SLC9A2: variants seen among roughly 807,000 people sequenced by gnomAD.
SLC9A2 encodes the protein sodium/hydrogen exchanger 2.
In SLC9A2, 42 loss-of-function variants were observed where a neutral mutation model predicts 71.7. The ratio of observed to expected loss-of-function variants is 0.59; its 90% CI spans 0.46 to 0.76. The LOEUF (loss-of-function observed/expected upper bound fraction) is 0.76. Ranked by LOEUF, SLC9A2 falls within the 30% of genes least tolerant of loss-of-function variation. SLC9A2 has a pLI of 0.00. For synonymous variants in SLC9A2, 396 were observed against 392.5 expected (o/e 1.01, Z -0.10); for missense variants, 829 against 1,017.4 (o/e 0.81, Z 2.52).
chr2:102,625,649 C>T (rs1676233037), intron 1 of SLC9A2, among the ~76,000 whole-genome samples: 2 of 152,276 alleles, frequency 1.3e-5, no homozygotes, highest in South Asian at 4.1e-4. Context: ...AGGACATGAA[C>T]TCATCATTTT....
chr2:102,625,493 C>T (rs1676229840), intron 1 of SLC9A2, among the ~76,000 whole-genome samples: 2 of 147,312 alleles, frequency 1.4e-5, no homozygotes, highest in Admixed American at 1.4e-4. Context: ...ACAACAGGTC[C>T]CGGTGTGTGA....
chr2:102,650,037 C>T (rs1024712225), intron 1 of SLC9A2, among the ~76,000 whole-genome samples: 8 of 152,284 alleles, frequency 5.3e-5, no homozygotes, highest in South Asian at 2.1e-4. Flanking sequence ...TTGCATGCAG[C>T]GCTATTCACA....
intron 1 of SLC9A2, among the ~76,000 whole-genome samples, chr2:102,628,946 G>C (rs1331093425): frequency 6.6e-6 from 1 of 151,874 alleles, no homozygotes; most frequent in African/African-American, 2.4e-5. Flanking sequence ...TTATTTTATG[G>C]ACATTTTAAA....
intron 4 of SLC9A2, among the ~76,000 whole-genome samples, chr2:102,683,830 G>C (rs1274169112): frequency 2.0e-5 from 3 of 150,704 alleles, no homozygotes; most frequent in African/African-American, 7.3e-5. Flanking sequence ...CATCTTCTCT[G>C]TCTCTTGCTC....
chr2:102,674,515 ACT>A (rs1677314809), intron 3 of SLC9A2, among the ~76,000 whole-genome samples: 10 of 152,176 alleles, frequency 6.6e-5, no homozygotes, highest in Non-Finnish European at 1.5e-4. Context: ...ATGAGGTCTG[ACT>A]TTGTCAGTAT....
intron 5 of SLC9A2, among the ~76,000 whole-genome samples, chr2:102,690,599 A>G (rs1296832078): frequency 6.6e-6 from 1 of 152,172 alleles, no homozygotes; most frequent in East Asian, 1.9e-4. Flanking sequence ...GGAGAGACGG[A>G]CAGACATAGA....
chr2:102,668,614 C>T (rs1297498312), intron 3 of SLC9A2, among the ~76,000 whole-genome samples: 1 of 152,202 alleles, frequency 6.6e-6, no homozygotes, highest in Non-Finnish European at 1.5e-5. Context: ...ATCTGACGTA[C>T]TGAGAATGCT....
At chr2:102,688,030 T>C (rs932757702) in intron 5 of SLC9A2, among the ~76,000 whole-genome samples, 1 of 152,114 alleles carries the variant, frequency 6.6e-6, no homozygotes, top group African/African-American at 2.4e-5. Context: ...TGCACCCACC[T>C]TGGCCTCCCA....
intron 1 of SLC9A2, among the ~76,000 whole-genome samples, chr2:102,627,998 T>C (rs1227619132): frequency 6.6e-6 from 1 of 152,156 alleles, no homozygotes; most frequent in Non-Finnish European, 1.5e-5. Flanking sequence ...ATTACTTCAG[T>C]AGCTTACTTA....
Position 102,619,859 on chromosome 2 carries a change from T to C in SLC9A2, c.11T>C (p.Leu4Pro). ...CAACCGGCGGCACCCATGGAACCAC[T>C]GGGCAACTGGAGGAGCCTGCGGGCG... MEP[L>P]GNWRSLRAPL... The change falls in exon 1 of 12, where the codon CTG becomes CCG. Residue 4 changes from leucine to proline, a missense_variant. Physicochemically the swap from Leu to Pro is moderately conservative, Grantham distance 98 (BLOSUM62 -3). This residue lies in a region of SLC9A2 where 106 missense variants were observed against 93.5 expected (regional missense o/e 1.13). Coordinates refer to ENST00000233969, the MANE Select transcript of SLC9A2 (RefSeq NM_003048.6). The surrounding 1 kb of genome is among the most constrained non-coding windows in gnomAD (Gnocchi z 4.3). 6.5e-7 allele frequency: 1 copy of C among 1,528,768 alleles called. No individual in the cohort carries two copies. The highest frequency in any genetic ancestry group is 8.8e-7 in the Non-Finnish European group (1 of 1,136,536). 94.7% of individuals were successfully genotyped at this position (1,528,768 alleles called of 1,614,324 possible). A position where few individuals can be genotyped will look rare whatever the true frequency, so the allele number is the denominator to read the frequency against.
At chr2:102,684,429 G>A in intron 5 of SLC9A2, 93 bp downstream of exon 5, 1 of 1,160,336 alleles carries the variant, frequency 8.6e-7, no homozygotes, top group African/African-American at 1.5e-5. Flanking sequence ...AAGGTGTGTT[G>A]AAACTTTGGT....
At chr2:102,652,292 T>G (rs1414465422) in intron 1 of SLC9A2, among the ~76,000 whole-genome samples, 3 of 152,174 alleles carry the variant, frequency 2.0e-5, no homozygotes, top group African/African-American at 7.2e-5. Flanking sequence ...TGAGGTTTCT[T>G]CACTAGCTCC....
chr2:102,683,243 C>T lies in SLC9A2; in HGVS notation c.1005-18C>T. 3.2e-6 allele frequency: 5 copies of T among 1,567,976 alleles called. No individual in the cohort carries two copies. The highest frequency in any genetic ancestry group is 4.4e-6 in the Non-Finnish European group (5 of 1,138,164). On this transcript the variant is annotated intron_variant, in intron 3 of 11. Transcript: ENST00000233969. Reference sequence around the variant, plus strand: ...GATCATTGTTAGGTTTCAATAGAAGCTGAATCTTCCCTTTCAGAATCACTG... The same window carrying T: ...GATCATTGTTAGGTTTCAATAGAAGTTGAATCTTCCCTTTCAGAATCACTG...
chr2:102,666,855 C>T (rs1209569074), intron 3 of SLC9A2, among the ~76,000 whole-genome samples: 1 of 152,116 alleles, frequency 6.6e-6, no homozygotes, highest in East Asian at 1.9e-4. Context: ...TCCATATGCA[C>T]TAGGCTAAAT....
intron 7 of SLC9A2, among the ~76,000 whole-genome samples, chr2:102,696,452 A>T (rs1019017503): frequency 6.6e-6 from 1 of 152,196 alleles, no homozygotes; most frequent in Non-Finnish European, 1.5e-5. Flanking sequence ...AACTTAACAC[A>T]AGGGAATTTT....
chr2:102,666,201 T>G (rs1394712295), intron 3 of SLC9A2, among the ~76,000 whole-genome samples: 1 of 148,756 alleles, frequency 6.7e-6, no homozygotes, highest in African/African-American at 2.5e-5. Context: ...TAGCTTTTTT[T>G]TTTTTTTTTT....
At chr2:102,699,232 GTATC>G (rs1472263657) in intron 7 of SLC9A2, among the ~76,000 whole-genome samples, 1 of 152,186 alleles carries the variant, frequency 6.6e-6, no homozygotes, top group Non-Finnish European at 1.5e-5. Flanking sequence ...AGCCCTGAAG[GTATC>G]TGGGGGAAAA....
At chr2:102,634,356 A>G (rs1676428382) in intron 1 of SLC9A2, among the ~76,000 whole-genome samples, 1 of 152,208 alleles carries the variant, frequency 6.6e-6, no homozygotes, top group Non-Finnish European at 1.5e-5. Context: ...GCTGCTTACT[A>G]GCTATGGATT....
At chr2:102,671,562 G>A (rs1221565100) in intron 3 of SLC9A2, among the ~76,000 whole-genome samples, 1 of 152,128 alleles carries the variant, frequency 6.6e-6, no homozygotes, top group African/African-American at 2.4e-5. Flanking sequence ...GAAAGGAATT[G>A]GAAATTATAA....
Sources: allele counts gnomAD v4.1 joint callset (sites outside exome capture counted in the v4.1 genomes callset), GRCh38; gene constraint gnomAD v4.1.1; regional missense constraint gnomAD v4.1.1; non-coding constraint Gnocchi (gnomAD v3.1); transcripts MANE v1.5; gene names NCBI Gene and HGNC (gene_info 2026-07-23, HGNC 2026-07-21).